Variants in TP63 observed in about 807,000 individuals in gnomAD.
TP63 encodes the protein tumor protein 63.
A neutral mutation model predicts 82.8 loss-of-function variants in TP63; 17 were observed. The ratio of observed to expected loss-of-function variants is 0.21; its 90% CI spans 0.14 to 0.31. The LOEUF is 0.31. Ranked by LOEUF, TP63 falls within the 10% of genes least tolerant of loss-of-function variation. The pLI is 1.00. For missense variants in TP63, 648 were observed against 895.3 expected, an observed-to-expected ratio of 0.72 and a Z score of 3.52; for synonymous variants, 330 against 321.7, an observed-to-expected ratio of 1.03 and a Z score of -0.28.
chr3:189,750,847 C>T (rs1190811796), intron 3 of TP63, among the ~76,000 whole-genome samples: 2 of 152,032 alleles, frequency 1.3e-5, no homozygotes, highest in African/African-American at 2.4e-5. Flanking sequence ...ACTTTAAGTT[C>T]TAAGGTACGT....
chr3:189,620,521 A>C, the TP63 span, among the ~76,000 whole-genome samples: 13 of 151,830 alleles, frequency 8.6e-5, 1 homozygote, highest in East Asian at 1.9e-4. Context: ...AAAAAACAAA[A>C]AAAAAAAACC....
At chr3:189,673,704 T>C (rs984474113) in intron 1 of TP63, among the ~76,000 whole-genome samples, 1 of 152,156 alleles carries the variant, frequency 6.6e-6, no homozygotes, top group African/African-American at 2.4e-5. Context: ...TTCGTTTCTG[T>C]TATACCTTGT....
chr3:189,896,204 G>A lies in TP63; in HGVS notation c.*1702G>A, dbSNP rs886058232. The A allele has an allele frequency of 4.1e-5, 9 of 220,964 alleles. No homozygotes were observed. The highest frequency in any genetic ancestry group is 1.3e-4 in the East Asian group (2 of 15,038). The allele number at this position is 220,964 out of a possible 1,614,324, so 13.7% of individuals were successfully genotyped here. On this transcript the variant is annotated 3_prime_UTR_variant, in exon 14 of 14. Coordinates refer to ENST00000264731, the MANE Select transcript of TP63 (RefSeq NM_003722.5). ...AATTTTAAAGTGCAAAAGGGCCAGC[G>A]TGGCTCTAAAAGGTAATGTGTGGAT...
chr3:189,892,669 G>A (rs1721137595), intron 13 of TP63, among the ~76,000 whole-genome samples: 1 of 152,134 alleles, frequency 6.6e-6, no homozygotes, highest in African/African-American at 2.4e-5. Context: ...GTGCACCTCT[G>A]TAGTCCCAGC....
intron 3 of TP63, among the ~76,000 whole-genome samples, chr3:189,803,207 A>T (rs946661313): frequency 5.3e-5 from 8 of 152,170 alleles, no homozygotes; most frequent in Admixed American, 5.2e-4. Context: ...CTGAGGGAGG[A>T]GAATCTCTTG....
chr3:189,833,651 T>C (rs1018196316), intron 4 of TP63, among the ~76,000 whole-genome samples: 3 of 150,126 alleles, frequency 2.0e-5, no homozygotes, highest in African/African-American at 7.4e-5. Flanking sequence ...AGGAATCTTA[T>C]GTCAAGGGTA....
chr3:189,866,812 A>G lies in TP63; in HGVS notation c.882+15A>G. On this transcript the variant is annotated intron_variant, in intron 6 of 13. Coordinates refer to ENST00000264731, the MANE Select transcript of TP63 (RefSeq NM_003722.5). ...AGCCACCCCAGGTAAAAAGCAAAAAACCAAACCAAAAAACAACACCTCTAT... is the reference window on the plus strand; with the variant it reads ...AGCCACCCCAGGTAAAAAGCAAAAAGCCAAACCAAAAAACAACACCTCTAT... The G allele has an allele frequency of 1.2e-6, 2 of 1,612,118 alleles. No homozygotes were observed. The highest frequency in any genetic ancestry group is 2.2e-5 in the East Asian group (1 of 44,858).
At chr3:189,678,956 C>G (rs2108687562) in intron 1 of TP63, among the ~76,000 whole-genome samples, 1 of 151,530 alleles carries the variant, frequency 6.6e-6, no homozygotes, top group Non-Finnish European at 1.5e-5. Context: ...GGTTTTGTAC[C>G]CTGATTTTAA....
chr3:189,617,751 A>G, the TP63 span, among the ~76,000 whole-genome samples: 1 of 152,088 alleles, frequency 6.6e-6, no homozygotes, highest in Non-Finnish European at 1.5e-5. Context: ...GACCTTTCTG[A>G]CTCTGATAGT....
chr3:189,842,742 C>G (rs1714313348), intron 4 of TP63, among the ~76,000 whole-genome samples: 1 of 152,180 alleles, frequency 6.6e-6, no homozygotes, highest in South Asian at 2.1e-4. Context: ...TTCTACACCT[C>G]TAACGTATCA....
the TP63 span, among the ~76,000 whole-genome samples, chr3:189,621,588 CAT>C: frequency 1.3e-5 from 2 of 151,484 alleles, no homozygotes; most frequent in Non-Finnish European, 2.9e-5. Context: ...TACATATACA[CAT>C]ATACACATAA....
chr3:189,615,855 G>T, the TP63 span, among the ~76,000 whole-genome samples: 1 of 152,140 alleles, frequency 6.6e-6, no homozygotes, highest in East Asian at 1.9e-4. Flanking sequence ...GTTCTTGAAG[G>T]CTGCCACTGT....
chr3:189,806,385 G>A (rs1457281461), intron 3 of TP63, among the ~76,000 whole-genome samples: 2 of 152,168 alleles, frequency 1.3e-5, no homozygotes, highest in Non-Finnish European at 2.9e-5. Context: ...AGGGAGGCAC[G>A]TGCCTTTGGG....
At chr3:189,890,639 T>C in intron 12 of TP63, 150 bp from the exon 13 acceptor site, 1 of 686,888 alleles carries the variant, frequency 1.5e-6, no homozygotes, top group Admixed American at 2.1e-5. Context: ...GACCTCAGAC[T>C]TAAGGCCCAC....
chr3:189,838,409 T>C (rs950197382), intron 4 of TP63, among the ~76,000 whole-genome samples: 3 of 152,186 alleles, frequency 2.0e-5, no homozygotes, highest in Admixed American at 2.0e-4. Context: ...CTTTTCCGTG[T>C]TGGGGCTAAT....
chr3:189,744,696 C>T (rs1274205078), intron 3 of TP63, among the ~76,000 whole-genome samples: 1 of 152,226 alleles, frequency 6.6e-6, no homozygotes, highest in Non-Finnish European at 1.5e-5. Flanking sequence ...CTTGCCACTG[C>T]TAATGCCATC....
intron 7 of TP63, 79 bp from the exon 8 acceptor site, chr3:189,868,501 A>G: frequency 6.3e-7 from 1 of 1,583,252 alleles, no homozygotes. Context: ...CCATATGGGA[A>G]GTGGAAGTGG....
intron 1 of TP63, among the ~76,000 whole-genome samples, chr3:189,691,659 T>C (rs1716943086): frequency 6.6e-6 from 1 of 152,172 alleles, no homozygotes; most frequent in Non-Finnish European, 1.5e-5. Flanking sequence ...CTGTTTAAGC[T>C]TCAGGGTTCC....
intron 3 of TP63, among the ~76,000 whole-genome samples, chr3:189,781,427 C>G (rs1251239766): frequency 6.6e-6 from 1 of 152,126 alleles, no homozygotes; most frequent in Non-Finnish European, 1.5e-5. Context: ...TTTTCTAAAA[C>G]TGAACTGTGG....
Sources: gnomAD v4.1 joint callset for allele counts (sites outside exome capture counted in the v4.1 genomes callset) on GRCh38, gnomAD v4.1.1 for gene constraint, MANE v1.5 for transcripts, NCBI Gene and HGNC (gene_info 2026-07-23, HGNC 2026-07-21) for gene names.